The following ATG5 variants were observed in gnomAD, a reference collection of about 807,000 sequenced individuals.
ATG5 encodes the protein autophagy related 5, also known as autophagy protein 5.
ATG5 carries 14 observed loss-of-function variants against 36.5 expected under a neutral mutation model. The observed-to-expected ratio is 0.38, with a 90% CI of 0.25 to 0.60. The LOEUF (loss-of-function observed/expected upper bound fraction) is 0.60. Ranked by LOEUF, ATG5 falls within the 20% of genes least tolerant of loss-of-function variation. The pLI is 0.60. For missense variants in ATG5, 195 were observed against 326.7 expected (o/e 0.60, Z 3.11); for synonymous variants, 95 against 101.5 (o/e 0.94, Z 0.38).
At chr6:106,238,860 A>G (rs1777998123) in intron 6 of ATG5, among the ~76,000 whole-genome samples, 1 of 152,182 alleles carries the variant, frequency 6.6e-6, no homozygotes, top group African/African-American at 2.4e-5. Context: ...CTTTAGGAAA[A>G]GGGAAGGTCA....
chr6:106,194,784 G>A (rs533358494), intron 7 of ATG5, among the ~76,000 whole-genome samples: 18 of 152,084 alleles, frequency 1.2e-4, no homozygotes, highest in Non-Finnish European at 2.5e-4. Flanking sequence ...TGATCCACCC[G>A]CCTAGCTTAC....
chr6:106,195,967 C>T (rs1025919252), intron 7 of ATG5, among the ~76,000 whole-genome samples: 4 of 152,032 alleles, frequency 2.6e-5, no homozygotes, highest in Admixed American at 1.3e-4. Context: ...TGTAGGGTCA[C>T]GTTAATCTTG....
At chr6:106,273,682 A>G (rs1364272438) in intron 5 of ATG5, among the ~76,000 whole-genome samples, 2 of 152,218 alleles carry the variant, frequency 1.3e-5, no homozygotes, top group Non-Finnish European at 2.9e-5. Flanking sequence ...AGACACAGCA[A>G]TAAATAAATA....
At chr6:106,276,774 A>G (rs183580614) in intron 5 of ATG5, among the ~76,000 whole-genome samples, 6 of 152,198 alleles carry the variant, frequency 3.9e-5, no homozygotes, top group African/African-American at 7.2e-5. Flanking sequence ...CACGATCCTC[A>G]TCTTTTTCTA....
intron 1 of ATG5, among the ~76,000 whole-genome samples, chr6:106,317,550 G>A (rs1022813282): frequency 6.6e-6 from 1 of 152,170 alleles, no homozygotes; most frequent in Non-Finnish European, 1.5e-5. Context: ...CAACATAAAA[G>A]TACTAGGCAA....
intron 5 of ATG5, among the ~76,000 whole-genome samples, chr6:106,251,633 C>CAGAGAGAG (rs1193501888): frequency 0.02 from 11 of 560 alleles, no homozygotes; most frequent in Non-Finnish European, 0.03. Flanking sequence ...ACACCCTAAT[C>CAGAGAGAG]AGAGAGAGAG....
At chr6:106,235,676 C>T (rs1006824066) in intron 6 of ATG5, among the ~76,000 whole-genome samples, 38 of 152,152 alleles carry the variant, frequency 2.5e-4, no homozygotes, top group Admixed American at 2.0e-4. Context: ...AATCATCTAT[C>T]GCCTGAGAGC....
chr6:106,241,586 A>T (rs902365290), intron 6 of ATG5, among the ~76,000 whole-genome samples: 7 of 152,232 alleles, frequency 4.6e-5, no homozygotes, highest in Non-Finnish European at 1.0e-4. Context: ...ATTTGTTCAA[A>T]TATTCTTCTG....
intron 4 of ATG5, among the ~76,000 whole-genome samples, chr6:106,282,110 C>A (rs1582649357): frequency 1.3e-5 from 2 of 152,142 alleles, no homozygotes; most frequent in Admixed American, 1.3e-4. Flanking sequence ...CTAGCTAAAC[C>A]AATCAGCTAG....
At chr6:106,243,165 C>T (rs1778191833) in intron 6 of ATG5, among the ~76,000 whole-genome samples, 1 of 152,102 alleles carries the variant, frequency 6.6e-6, no homozygotes, top group Non-Finnish European at 1.5e-5. Flanking sequence ...AATAGATTTG[C>T]TTAACCAAAA....
intron 6 of ATG5, among the ~76,000 whole-genome samples, chr6:106,231,328 G>A (rs762860357): frequency 1.3e-4 from 20 of 152,218 alleles, no homozygotes; most frequent in Non-Finnish European, 2.4e-4. Context: ...CAGAAGTGTC[G>A]CCGTAACTGC....
At chr6:106,250,088 TAATAA>T (rs990927051) in intron 5 of ATG5, among the ~76,000 whole-genome samples, 1 of 152,146 alleles carries the variant, frequency 6.6e-6, no homozygotes, top group Admixed American at 6.5e-5. Context: ...TCCCACCTTA[TAATAA>T]AATATTTTAT....
intron 2 of ATG5, among the ~76,000 whole-genome samples, chr6:106,315,838 C>T (rs1310222667): frequency 6.6e-6 from 1 of 151,994 alleles, no homozygotes; most frequent in Non-Finnish European, 1.5e-5. Flanking sequence ...CTGATGATTC[C>T]ATTAACATAC....
At chr6:106,195,015 T>G (rs1034626456) in intron 7 of ATG5, among the ~76,000 whole-genome samples, 2 of 152,172 alleles carry the variant, frequency 1.3e-5, no homozygotes, top group African/African-American at 2.4e-5. Flanking sequence ...TGAGCTCACC[T>G]TTGGTCATTT....
intron 5 of ATG5, among the ~76,000 whole-genome samples, chr6:106,259,617 TCTG>T (rs1316567744): frequency 1.3e-5 from 2 of 151,372 alleles, no homozygotes; most frequent in African/African-American, 4.8e-5. Flanking sequence ...CCTTGTCTCT[TCTG>T]CTCCTTTCTT....
At chr6:106,312,623 T>TACAC (rs144983689) in intron 2 of ATG5, among the ~76,000 whole-genome samples, 1,662 of 144,472 alleles carry the variant, frequency 0.012, 9 homozygotes, top group African/African-American at 0.014. Context: ...CAAAAAAGAC[T>TACAC]ACACACACAC....
chr6:106,310,475 T>C (rs556998384), intron 2 of ATG5, among the ~76,000 whole-genome samples: 1 of 152,302 alleles, frequency 6.6e-6, no homozygotes, highest in South Asian at 2.1e-4. Flanking sequence ...CATCATCTTC[T>C]TGTCTTTTAC....
chr6:106,203,385 T>C (rs1229915721), intron 6 of ATG5, among the ~76,000 whole-genome samples: 1 of 152,178 alleles, frequency 6.6e-6, no homozygotes, highest in Non-Finnish European at 1.5e-5. Flanking sequence ...CCTTTATCTG[T>C]TAATTTGGGA....
Position 106,209,973 on chromosome 6 carries a change from T to C in ATG5, c.574-7884A>G, listed in dbSNP as rs1012256451. ...AAAATGTAGATTCTCAGGCTGCATA[T>C]TGGAATTCCTGAATTGGAATCCGCA... is the stretch of plus-strand genomic sequence containing the variant. On this transcript the variant is annotated intron_variant, in intron 6 of 7. Transcript: ENST00000369076. Among the ~76,000 whole-genome samples the C allele has an allele frequency of 3.3e-5, 5 of 152,252 alleles. No homozygotes were observed. The East Asian group carries it at 5.8e-4, about 18-fold the overall frequency.
Sources: gnomAD v4.1 joint callset for allele counts (sites outside exome capture counted in the v4.1 genomes callset) on GRCh38, gnomAD v4.1.1 for gene constraint, MANE v1.5 for transcripts, NCBI Gene and HGNC (gene_info 2026-07-23, HGNC 2026-07-21) for gene names.